Variants in DPH6 observed in about 807,000 individuals in gnomAD.
DPH6 encodes the protein diphthamine biosynthesis 6.
In DPH6, 33 loss-of-function variants were observed where a neutral mutation model predicts 38.2. That is an observed-to-expected ratio of 0.86 (90% CI 0.65 to 1.15). The LOEUF (loss-of-function observed/expected upper bound fraction) is 1.15. Ranked by LOEUF, DPH6 falls within the 50% of genes most tolerant of loss-of-function variation. The probability of loss-of-function intolerance (pLI) is 0.00; values close to 1 mark genes in which losing one functional copy is unlikely to be tolerated. For synonymous variants in DPH6, 108 were observed against 103.0 expected (o/e 1.05, Z -0.30); for missense variants, 325 against 320.0 (o/e 1.02, Z -0.12).
At chr15:35,495,596 C>T (rs2054538761) in intron 3 of DPH6, among the ~76,000 whole-genome samples, 1 of 151,838 alleles carries the variant, frequency 6.6e-6, no homozygotes, top group African/African-American at 2.4e-5. Flanking sequence ...TAAAGAAGGC[C>T]CAAATAAATG....
chr15:35,233,804 C>A (rs1054492981), intron 3 of DPH6, among the ~76,000 whole-genome samples: 2 of 152,220 alleles, frequency 1.3e-5, no homozygotes, highest in Non-Finnish European at 1.5e-5. Flanking sequence ...TGAGTTTATT[C>A]CTACTTCTTG....
chr15:35,495,510 A>C (rs1319336864), intron 3 of DPH6, among the ~76,000 whole-genome samples: 1 of 152,142 alleles, frequency 6.6e-6, no homozygotes, highest in East Asian at 1.9e-4. Flanking sequence ...AGCATCAAAA[A>C]ACACTCAGAC....
chr15:35,469,760 T>G (rs2054174068), intron 3 of DPH6, among the ~76,000 whole-genome samples: 1 of 152,116 alleles, frequency 6.6e-6, no homozygotes, highest in Non-Finnish European at 1.5e-5. Context: ...TCAGGTAACA[T>G]AAATGTGTAT....
At chr15:35,237,240 G>C (rs2051559287) in intron 3 of DPH6, 1 of 1,186,610 alleles carries the variant, frequency 8.4e-7, no homozygotes, top group South Asian at 1.2e-5. Context: ...GAGCGGAGCT[G>C]GTTGAGCCTT....
chr15:35,362,017 T>G (rs2140907803), intron 3 of DPH6, among the ~76,000 whole-genome samples: 1 of 152,200 alleles, frequency 6.6e-6, no homozygotes, highest in East Asian at 1.9e-4. Flanking sequence ...TGTGTCTTAT[T>G]TGTTACATTT....
chr15:35,486,196 A>G (rs1338053674), intron 3 of DPH6, among the ~76,000 whole-genome samples: 1 of 152,038 alleles, frequency 6.6e-6, no homozygotes, highest in South Asian at 2.1e-4. Flanking sequence ...AGATGCTTAT[A>G]AAACCATCAG....
At chr15:35,483,565 G>T (rs1429667028) in intron 3 of DPH6, among the ~76,000 whole-genome samples, 1 of 151,948 alleles carries the variant, frequency 6.6e-6, no homozygotes, top group Non-Finnish European at 1.5e-5. Context: ...AACGAATAGT[G>T]AAGATAATGG....
chr15:35,308,803 A>G (rs1339790837), intron 3 of DPH6, among the ~76,000 whole-genome samples: 1 of 152,242 alleles, frequency 6.6e-6, no homozygotes, highest in Non-Finnish European at 1.5e-5. Flanking sequence ...GATCAACACT[A>G]TGGAGATAGC....
chr15:35,241,692 C>T (rs167613), intron 3 of DPH6, among the ~76,000 whole-genome samples: 94,498 of 140,310 alleles, frequency 0.67, 39,648 homozygotes, highest in Non-Finnish European at 0.88. Context: ...CTACTCCCTC[C>T]TTGTCGACCG....
intron 3 of DPH6, among the ~76,000 whole-genome samples, chr15:35,273,092 T>C (rs1440561745): frequency 6.6e-6 from 1 of 152,070 alleles, no homozygotes; most frequent in Non-Finnish European, 1.5e-5. Context: ...AAGAGCCAAT[T>C]AAACCTCTTT....
At chr15:35,516,932 A>G (rs1450811346) in intron 3 of DPH6, among the ~76,000 whole-genome samples, 1 of 152,140 alleles carries the variant, frequency 6.6e-6, no homozygotes, top group Non-Finnish European at 1.5e-5. Flanking sequence ...TGTGGTTCCA[A>G]AAGATTTTTT....
intron 2 of DPH6, among the ~76,000 whole-genome samples, chr15:35,539,184 G>A (rs1285497749): frequency 1.6e-4 from 25 of 151,700 alleles, no homozygotes; most frequent in Admixed American, 1.6e-3. Context: ...AAATATACTG[G>A]AATAGACCTT....
chr15:35,400,839 C>T lies in DPH6; in HGVS notation c.567+9996G>A, dbSNP rs796812490. The T allele has an allele frequency of 5.2e-5, 41 of 781,468 alleles. No individual in the cohort carries two copies. In the African/African-American group the frequency reaches 6.6e-4, roughly 13 times the overall value. 48.4% of individuals were successfully genotyped at this position (781,468 alleles called of 1,614,324 possible). On this transcript the variant is annotated intron_variant, in intron 6 of 8. Transcript: ENST00000256538. Reference sequence around the variant, plus strand: ...ACTGTGTGATAATGAGAGATCCAAACACCAAACATTCCAGGGGCTTTGGGT... The same window carrying T: ...ACTGTGTGATAATGAGAGATCCAAATACCAAACATTCCAGGGGCTTTGGGT...
At chr15:35,414,312 T>C (rs2141000589) in intron 5 of DPH6, among the ~76,000 whole-genome samples, 1 of 151,874 alleles carries the variant, frequency 6.6e-6, no homozygotes, top group Middle Eastern at 3.4e-3. Flanking sequence ...TTGGCATTTG[T>C]TGTTCCTAAT....
intron 3 of DPH6, among the ~76,000 whole-genome samples, chr15:35,258,804 T>C (rs2051724304): frequency 6.6e-6 from 1 of 152,064 alleles, no homozygotes; most frequent in South Asian, 2.1e-4. Flanking sequence ...CTCCCTCCCT[T>C]ATATATTTAC....
intron 3 of DPH6, among the ~76,000 whole-genome samples, chr15:35,461,948 C>G (rs1442748315): frequency 6.6e-6 from 1 of 152,156 alleles, no homozygotes; most frequent in Non-Finnish European, 1.5e-5. Flanking sequence ...TTCAACAAAG[C>G]TCTTGATCCA....
intron 3 of DPH6, among the ~76,000 whole-genome samples, chr15:35,352,769 G>C (rs2052526485): frequency 6.6e-6 from 1 of 152,202 alleles, no homozygotes; most frequent in Non-Finnish European, 1.5e-5. Flanking sequence ...AGAGCAGCAT[G>C]ATTTATAATC....
intron 3 of DPH6, among the ~76,000 whole-genome samples, chr15:35,458,665 T>A (rs1427262332): frequency 6.6e-6 from 1 of 152,140 alleles, no homozygotes; most frequent in African/African-American, 2.4e-5. Flanking sequence ...TGAGACAGCA[T>A]AAAGACAGCC....
chr15:35,472,120 G>A (rs1330005601), intron 3 of DPH6, among the ~76,000 whole-genome samples: 5 of 152,088 alleles, frequency 3.3e-5, no homozygotes, highest in African/African-American at 1.2e-4. Flanking sequence ...AAAAAATAAA[G>A]TTGAACTTTA....
Sources: gnomAD v4.1 joint callset for allele counts (sites outside exome capture counted in the v4.1 genomes callset) on GRCh38, gnomAD v4.1.1 for gene constraint, MANE v1.5 for transcripts, NCBI Gene and HGNC (gene_info 2026-07-23, HGNC 2026-07-21) for gene names.